Variants in KLHL1 observed in about 807,000 individuals in gnomAD.
KLHL1 encodes kelch-like protein 1.
Under a neutral mutation model 77.7 loss-of-function variants are expected in KLHL1, and 47 were observed. That is an observed-to-expected ratio of 0.60 (90% CI 0.48 to 0.77). KLHL1 has a LOEUF of 0.77. Ranked by LOEUF, KLHL1 falls within the 30% of genes least tolerant of loss-of-function variation. The pLI, the probability that KLHL1 is intolerant of heterozygous loss-of-function variation, is 0.00. For synonymous variants in KLHL1, 360 were observed against 325.2 expected (o/e 1.11, Z -1.15); for missense variants, 925 against 910.8 (o/e 1.02, Z -0.20).
intron 1 of KLHL1, among the ~76,000 whole-genome samples, chr13:70,093,350 A>C (rs1396555670): frequency 6.6e-6 from 1 of 152,136 alleles, no homozygotes; most frequent in African/African-American, 2.4e-5. Context: ...TCAAAGACCA[A>C]ACCAGATGGG....
chr13:69,966,816 A>G (rs1884225071), intron 2 of KLHL1, among the ~76,000 whole-genome samples: 1 of 151,970 alleles, frequency 6.6e-6, no homozygotes, highest in Non-Finnish European at 1.5e-5. Context: ...CTCTATGTCC[A>G]TATAATCACA....
intron 1 of KLHL1, among the ~76,000 whole-genome samples, chr13:69,984,086 T>G (rs151310011): frequency 3.3e-5 from 5 of 152,086 alleles, no homozygotes; most frequent in Non-Finnish European, 7.4e-5. Flanking sequence ...GTTCATGACA[T>G]TGGTCTGGGC....
chr13:69,859,377 AG>A (rs1391850640), intron 5 of KLHL1, among the ~76,000 whole-genome samples: 2 of 151,904 alleles, frequency 1.3e-5, no homozygotes, highest in Non-Finnish European at 2.9e-5. Context: ...TATAAGCAGA[AG>A]GTCAGGGGGT....
chr13:69,869,302 A>G (rs983233399), intron 5 of KLHL1, among the ~76,000 whole-genome samples: 1 of 152,124 alleles, frequency 6.6e-6, no homozygotes, highest in African/African-American at 2.4e-5. Flanking sequence ...AGAGTATTAA[A>G]TTAGAAATTT....
chr13:69,890,764 G>A (rs1423296666), intron 4 of KLHL1, among the ~76,000 whole-genome samples: 1 of 151,802 alleles, frequency 6.6e-6, no homozygotes, highest in Non-Finnish European at 1.5e-5. Context: ...TAGAACTAAA[G>A]ATATAGTTTT....
intron 8 of KLHL1, among the ~76,000 whole-genome samples, chr13:69,738,810 C>T (rs573922619): frequency 6.6e-6 from 1 of 152,218 alleles, no homozygotes; most frequent in East Asian, 1.9e-4. Flanking sequence ...AGAACAGAAC[C>T]AAGTTGGAAA....
At chr13:69,838,814 C>A (rs55929819) in intron 6 of KLHL1, among the ~76,000 whole-genome samples, 162 bp downstream of exon 6, 12,281 of 151,892 alleles carry the variant, frequency 0.081, 937 homozygotes, top group African/African-American at 0.2. Flanking sequence ...AAGAAGCAGA[C>A]AGCAGCTACA....
intron 7 of KLHL1, among the ~76,000 whole-genome samples, chr13:69,759,486 TAC>T (rs1874918565): frequency 1.3e-5 from 2 of 152,186 alleles, no homozygotes; most frequent in African/African-American, 2.4e-5. Flanking sequence ...TTACCAATTT[TAC>T]AGTTAGCTTT....
chr13:70,057,782 C>CAA (rs60920874), intron 1 of KLHL1, among the ~76,000 whole-genome samples: 2,893 of 61,536 alleles, frequency 0.047, 219 homozygotes, highest in African/African-American at 0.087. Context: ...GACTCCGTCT[C>CAA]AAAAAAAAAA....
chr13:69,940,348 T>C (rs1393857961), intron 3 of KLHL1, 112 bp from the exon 4 acceptor site: 3 of 699,894 alleles, frequency 4.3e-6, no homozygotes, highest in East Asian at 3.1e-5. Flanking sequence ...TAAACTGAGA[T>C]TGGTAATCAA....
intron 4 of KLHL1, among the ~76,000 whole-genome samples, chr13:69,937,218 C>A (rs1228855437): frequency 2.0e-5 from 3 of 152,116 alleles, no homozygotes; most frequent in Admixed American, 6.6e-5. Flanking sequence ...TTACCCAAAG[C>A]AGATCAATTC....
At chr13:69,711,508 AT>A (rs1228048218) in intron 9 of KLHL1, among the ~76,000 whole-genome samples, 3 of 152,084 alleles carry the variant, frequency 2.0e-5, no homozygotes, top group African/African-American at 7.2e-5. Flanking sequence ...AAATACTTTT[AT>A]TTTTTCCTGT....
At chr13:69,983,633 G>T (rs1284360195) in intron 1 of KLHL1, among the ~76,000 whole-genome samples, 1 of 142,324 alleles carries the variant, frequency 7.0e-6, no homozygotes, top group South Asian at 2.1e-4. Context: ...TGTGTTTGAT[G>T]GTAAACTCCT....
At chr13:69,745,889 G>A (rs762303797) in intron 7 of KLHL1, among the ~76,000 whole-genome samples, 18 of 151,382 alleles carry the variant, frequency 1.2e-4, no homozygotes, top group Non-Finnish European at 2.1e-4. Flanking sequence ...CAATTGAGAT[G>A]GTATTGAATA....
intron 7 of KLHL1, among the ~76,000 whole-genome samples, chr13:69,779,119 T>A (rs1310458246): frequency 6.6e-6 from 1 of 152,064 alleles, no homozygotes; most frequent in African/African-American, 2.4e-5. Context: ...CTTATTCTTC[T>A]TTTCCGCAAC....
intron 1 of KLHL1, among the ~76,000 whole-genome samples, chr13:70,064,829 A>G (rs930503491): frequency 1.3e-5 from 2 of 152,208 alleles, no homozygotes; most frequent in African/African-American, 2.4e-5. Flanking sequence ...TCCTTGGCAC[A>G]GTTGCCTGGG....
intron 6 of KLHL1, among the ~76,000 whole-genome samples, chr13:69,803,557 C>T (rs182192643): frequency 1.7e-4 from 26 of 152,304 alleles, no homozygotes; most frequent in East Asian, 1.5e-3. Flanking sequence ...CCATGAACGG[C>T]TACGCTATAT....
At chr13:69,827,566 C>T (rs1284669076) in intron 6 of KLHL1, among the ~76,000 whole-genome samples, 3 of 151,650 alleles carry the variant, frequency 2.0e-5, no homozygotes, top group South Asian at 4.2e-4. Context: ...CCCGTCTCTA[C>T]AGAAAATACG....
Position 69,785,834 on chromosome 13 carries a change from G to A in KLHL1, c.1639+10904C>T, listed in dbSNP as rs1331491892. On this transcript the variant is annotated intron_variant, in intron 7 of 10. Coordinates refer to ENST00000377844, the MANE Select transcript of KLHL1 (RefSeq NM_020866.3). Reference sequence around the variant, plus strand: ...AAATGATAAAGGGGATATCGCCACCGATCCCACAGAAATACAAACTACCAT... The same window carrying A: ...AAATGATAAAGGGGATATCGCCACCAATCCCACAGAAATACAAACTACCAT... Among the ~76,000 whole-genome samples, 15 of 152,228 alleles carry A rather than the reference G, an allele frequency of 9.9e-5. No individual in the cohort carries two copies. In the East Asian group the frequency reaches 1.2e-3, roughly 12 times the overall value.
Sources: gnomAD v4.1 joint callset for allele counts (sites outside exome capture counted in the v4.1 genomes callset) on GRCh38, gnomAD v4.1.1 for gene constraint, MANE v1.5 for transcripts, NCBI Gene and HGNC (gene_info 2026-07-23, HGNC 2026-07-21) for gene names.